Variants in ESPNL observed in about 807,000 individuals in gnomAD.
ESPNL encodes espin-like protein.
A neutral mutation model predicts 46.8 loss-of-function variants in ESPNL; 49 were observed. That is an observed-to-expected ratio of 1.05 (90% CI 0.83 to 1.33). The LOEUF is 1.33. Ranked by LOEUF, ESPNL falls within the 40% of genes most tolerant of loss-of-function variation. The pLI is 0.00. For missense variants in ESPNL, 1,540 were observed against 1,436.6 expected, an observed-to-expected ratio of 1.07 and a Z score of -1.16; for synonymous variants, 664 against 662.1, an observed-to-expected ratio of 1.00 and a Z score of -0.04.
In ESPNL at chr2:238,130,287, G is replaced by A; in HGVS notation, c.1573G>A (p.Glu525Lys). The A allele has an allele frequency of 6.2e-7, 1 of 1,607,390 alleles. No homozygotes were observed. The highest frequency in any genetic ancestry group is 8.5e-7 in the Non-Finnish European group (1 of 1,177,534). The change falls in exon 9 of 9, where the codon GAG becomes AAG. Residue 525 changes from glutamate (E) to lysine (K), a missense_variant. Glu to Lys is a moderately conservative substitution (Grantham distance 56, BLOSUM62 1). Transcript: ENST00000343063. Reference sequence around the variant, plus strand: ...CCTGCAGCTTCGGCGCCGCTGTCAGGAGTATGAGAGTGAGCTGGGCCGGTT... The same window carrying A: ...CCTGCAGCTTCGGCGCCGCTGTCAGAAGTATGAGAGTGAGCTGGGCCGGTT... ...ADLQLRRRCQEYESELGRLAA... is the reference protein window; with the variant it reads ...ADLQLRRRCQKYESELGRLAA...
Position 238,128,733 on chromosome 2 carries a change from C to A in ESPNL, c.1242C>A (p.Asp414Glu). Residue 414 changes from aspartate (D) to glutamate (E), a missense_variant, in exon 8 of 9, where the codon GAC becomes GAA. Coordinates refer to ENST00000343063, the MANE Select transcript of ESPNL (RefSeq NM_194312.4). ...PEGTETALAG[D>E]TSDGLAALQL... is the part of the protein sequence containing the mutation. ...GGACAGAGACGGCGCTGGCGGGGGA[C>A]ACCTCAGATGGCCTGGCCGCACTAC... The A allele has an allele frequency of 6.2e-7, 1 of 1,602,062 alleles. No homozygotes were observed. The highest frequency in any genetic ancestry group is 8.5e-7 in the Non-Finnish European group (1 of 1,175,226).
intron 7 of ESPNL, among the ~76,000 whole-genome samples, chr2:238,128,058 C>T (rs140362813): frequency 0.014 from 2,102 of 152,316 alleles, 26 homozygotes; most frequent in Non-Finnish European, 0.024. Context: ...GCGGAGATCG[C>T]AGCAGCCATC....
At chr2:238,113,952 C>T (rs985366308) in intron 4 of ESPNL, among the ~76,000 whole-genome samples, 1 of 152,198 alleles carries the variant, frequency 6.6e-6, no homozygotes, top group Non-Finnish European at 1.5e-5. Flanking sequence ...TCCTTTTCTC[C>T]TGAGTGTGGC....
chr2:238,119,601 A>AGGTGGATGGAGGG (rs1691941454), intron 5 of ESPNL, among the ~76,000 whole-genome samples: 1 of 150,878 alleles, frequency 6.6e-6, no homozygotes, highest in African/African-American at 2.4e-5. Context: ...TGGATGGAGG[A>AGGTGGATGGAGGG]GGGGAGCTGG....
Position 238,132,150 on chromosome 2 carries a change from G to C in ESPNL, c.*418G>C, listed in dbSNP as rs572731036. On this transcript the variant is annotated 3_prime_UTR_variant, in exon 9 of 9. Coordinates refer to ENST00000343063, the MANE Select transcript of ESPNL (RefSeq NM_194312.4). ...TTCATGTGAGTCTGAGGTGGCCCCA[G>C]GCCCTGGTCCTGCCCCTGTTTCTCC... 5.9e-6 allele frequency: 1 copy of C among 169,876 alleles called. No individual in the cohort carries two copies. Among genetic ancestry groups the C allele is most frequent in the Admixed American group, 5.7e-5 (1 of 17,604 alleles). The allele number at this position is 169,876 out of a possible 1,614,324, so 10.5% of individuals were successfully genotyped here.
intron 6 of ESPNL, among the ~76,000 whole-genome samples, chr2:238,126,722 CTGCGTATGATTGTGTCTG>C: frequency 6.9e-6 from 1 of 145,756 alleles, no homozygotes; most frequent in African/African-American, 2.6e-5. Context: ...CTGTGTGTCT[CTGCGTATGATTGTGTCTG>C]TGTGTATCTG....
intron 7 of ESPNL, among the ~76,000 whole-genome samples, chr2:238,128,143 T>C (rs1305355613): frequency 1.3e-5 from 2 of 151,944 alleles, no homozygotes; most frequent in Non-Finnish European, 2.9e-5. Context: ...AGGGTCCTGC[T>C]CCCCCTTACT....
chr2:238,131,471 C>CTTT lies in ESPNL; in HGVS notation c.2757_2758insTTT (p.Phe919dup). 1 of 1,611,598 alleles carries CTTT rather than the reference C, an allele frequency of 6.2e-7. No individual in the cohort carries two copies. Among genetic ancestry groups the CTTT allele is most frequent in the Non-Finnish European group, 8.5e-7 (1 of 1,179,428 alleles). ...GCCGCCGGGCCTGGACCGACGGCTT[C>CTTT]GAGGACATCAAAGCCCGCTTCTTTG... On this transcript the variant is annotated inframe_insertion, in exon 9 of 9. Transcript: ENST00000343063.
intron 5 of ESPNL, among the ~76,000 whole-genome samples, chr2:238,121,316 T>C (rs11902364): frequency 0.18 from 26,880 of 152,238 alleles, 2,520 homozygotes; most frequent in East Asian, 0.24. Context: ...TCTCCCATGG[T>C]GTCCAGGGCT....
intron 3 of ESPNL, among the ~76,000 whole-genome samples, chr2:238,105,723 G>A (rs1691582479): frequency 6.6e-6 from 1 of 152,124 alleles, no homozygotes; most frequent in African/African-American, 2.4e-5. Context: ...GGGAGGACCG[G>A]GGCTCTTTCC....
intron 2 of ESPNL, among the ~76,000 whole-genome samples, chr2:238,103,236 A>T (rs1691524877): frequency 6.6e-6 from 1 of 152,190 alleles, no homozygotes; most frequent in African/African-American, 2.4e-5. Flanking sequence ...TGGCCTGGGC[A>T]ATGTAGCGAG....
At chr2:238,125,468 G>A (rs547643651) in intron 6 of ESPNL, 84 bp downstream of exon 6, 21 of 758,310 alleles carry the variant, frequency 2.8e-5, no homozygotes, top group African/African-American at 3.7e-5. Flanking sequence ...GTCCTGGACC[G>A]GTGGGCAAGT....
rs752984524 is a variant in ESPNL at position 238,131,115 on chromosome 2, C to T, written c.2401C>T (p.Arg801Cys). 20 of 1,544,968 alleles carry T rather than the reference C, an allele frequency of 1.3e-5. No homozygotes were observed. The highest frequency in any genetic ancestry group is 7.8e-5 in the Admixed American group (4 of 51,062). Reference sequence around the variant, plus strand: ...CCGGCTGGGCCACCTGTGGCAGCAGCGCAGCACCATCACCCACCTGCTGGG... The same window carrying T: ...CCGGCTGGGCCACCTGTGGCAGCAGTGCAGCACCATCACCCACCTGCTGGG... ...GPRLGHLWQQ[R>C]STITHLLGNW... Residue 801 changes from arginine to cysteine, a missense_variant, in exon 9 of 9, where the codon CGC becomes TGC. Arg to Cys is a radical substitution (Grantham distance 180). Transcript: ENST00000343063.
At chr2:238,115,227 C>G (rs2106469489) in intron 4 of ESPNL, among the ~76,000 whole-genome samples, 1 of 152,304 alleles carries the variant, frequency 6.6e-6, no homozygotes, top group African/African-American at 2.4e-5. Flanking sequence ...CAGGCTGTGG[C>G]CACCTTGGAG....
At position 238,127,720 on chromosome 2, in the gene ESPNL, A is replaced by G; in HGVS notation, c.1201A>G (p.Thr401Ala). ...PAPPRIITSA[T>A]ADPEGTETAL... ...CCCTCCGAGGATCATCACCAGTGCC[A>G]CGGCTGACCCCGAGGTTCGTCCTCC... Residue 401 changes from threonine (T) to alanine (A), a missense_variant, in exon 7 of 9, where the codon ACG (threonine) becomes GCG (alanine). Physicochemically the swap from Thr to Ala is moderately conservative, Grantham distance 58. Coordinates refer to ENST00000343063, the MANE Select transcript of ESPNL (RefSeq NM_194312.4). The G allele has an allele frequency of 6.2e-7, 1 of 1,610,366 alleles. No individual in the cohort carries two copies. The highest frequency in any genetic ancestry group is 1.3e-5 in the African/African-American group (1 of 74,886).
intron 1 of ESPNL, 149 bp downstream of exon 1, chr2:238,100,862 G>A (rs1028553384): frequency 2.5e-5 from 16 of 629,614 alleles, no homozygotes; most frequent in East Asian, 1.7e-4. Flanking sequence ...AGTGGTTACC[G>A]TCTCTGCCCC....
chr2:238,110,121 T>C (rs55746506), intron 4 of ESPNL, among the ~76,000 whole-genome samples: 23 of 146,594 alleles, frequency 1.6e-4, no homozygotes, highest in Admixed American at 2.7e-4. Flanking sequence ...AGGTGCCATA[T>C]GTTACCGAGT....
At chr2:238,118,369 G>A (rs561552064) in intron 5 of ESPNL, among the ~76,000 whole-genome samples, 3 of 128,032 alleles carry the variant, frequency 2.3e-5, no homozygotes, top group South Asian at 5.1e-4. Context: ...AGGAATGGAT[G>A]GAGGAGGTGG....
intron 7 of ESPNL, among the ~76,000 whole-genome samples, chr2:238,128,209 G>T (rs1267324770): frequency 6.6e-6 from 1 of 152,190 alleles, no homozygotes; most frequent in African/African-American, 2.4e-5. Context: ...TCCCTGCGTG[G>T]TACTGCAGAT....
Sources: allele counts gnomAD v4.1 joint callset (sites outside exome capture counted in the v4.1 genomes callset), GRCh38; gene constraint gnomAD v4.1.1; transcripts MANE v1.5; gene names NCBI Gene and HGNC (gene_info 2026-07-23, HGNC 2026-07-21).